MSI2: variants seen among roughly 807,000 people sequenced by gnomAD.
MSI2 encodes RNA-binding protein Musashi homolog 2.
In MSI2, 17 loss-of-function variants were observed where a neutral mutation model predicts 45.6. That is an observed-to-expected ratio of 0.37 (90% CI 0.26 to 0.56). The LOEUF (loss-of-function observed/expected upper bound fraction) is 0.56. Among genes scored for constraint, MSI2 ranks in the 20% least tolerant of loss-of-function variants. The pLI, the probability that MSI2 is intolerant of heterozygous loss-of-function variation, is 0.77. For synonymous variants in MSI2, 156 were observed against 158.2 expected (o/e 0.99, Z 0.11); for missense variants, 293 against 444.2 (o/e 0.66, Z 3.06).
chr17:57,319,718 T>C (rs1006826440), intron 5 of MSI2, among the ~76,000 whole-genome samples: 2 of 152,136 alleles, frequency 1.3e-5, no homozygotes, highest in African/African-American at 4.8e-5. Context: ...GCTTGAGCGA[T>C]CCTCTCACCT....
At chr17:57,261,710 C>T (rs1907324177) in intron 4 of MSI2, among the ~76,000 whole-genome samples, 1 of 152,146 alleles carries the variant, frequency 6.6e-6, no homozygotes, top group Non-Finnish European at 1.5e-5. Context: ...AGAAGAAATA[C>T]CATCCAATTA....
intron 5 of MSI2, among the ~76,000 whole-genome samples, chr17:57,382,922 T>G (rs1303879773): frequency 6.6e-6 from 1 of 152,230 alleles, no homozygotes; most frequent in Non-Finnish European, 1.5e-5. Flanking sequence ...GACTGAGTAC[T>G]CTGCTATGTC....
intron 9 of MSI2, chr17:57,616,622 CTTTA>C (rs1217621703): frequency 6.9e-6 from 1 of 145,276 alleles, no homozygotes; most frequent in Non-Finnish European, 1.5e-5. Flanking sequence ...CTGTTTTACT[CTTTA>C]TTTGCCAAAA....
At chr17:57,360,254 A>G (rs1157377252) in intron 5 of MSI2, among the ~76,000 whole-genome samples, 2 of 152,178 alleles carry the variant, frequency 1.3e-5, no homozygotes, top group Non-Finnish European at 2.9e-5. Context: ...TGTGTGTTTA[A>G]TTTGTTTATT....
At chr17:57,463,511 C>T (rs1031433484) in intron 6 of MSI2, among the ~76,000 whole-genome samples, 2 of 152,226 alleles carry the variant, frequency 1.3e-5, no homozygotes, top group South Asian at 2.1e-4. Flanking sequence ...TAAGGCTTTG[C>T]CCCGCCCTCC....
intron 6 of MSI2, among the ~76,000 whole-genome samples, chr17:57,495,930 A>G (rs149254123): frequency 6.6e-6 from 1 of 152,350 alleles, no homozygotes; most frequent in East Asian, 1.9e-4. Context: ...GCTTGGATTA[A>G]CATGACATAA....
chr17:57,587,754 G>A (rs557833425), intron 7 of MSI2, among the ~76,000 whole-genome samples: 1 of 152,296 alleles, frequency 6.6e-6, no homozygotes, highest in Admixed American at 6.5e-5. Flanking sequence ...GAAGAAATAT[G>A]ACCAGGCAAG....
intron 5 of MSI2, chr17:57,262,528 G>T (rs980426852): frequency 3.0e-5 from 7 of 236,972 alleles, no homozygotes; most frequent in African/African-American, 1.1e-4. Flanking sequence ...ATTTCCTTGT[G>T]ACTCTTTCGG....
intron 11 of MSI2, among the ~76,000 whole-genome samples, chr17:57,667,797 C>T (rs1912481243): frequency 6.6e-6 from 1 of 152,244 alleles, no homozygotes; most frequent in South Asian, 2.1e-4. Context: ...AACTGCTAAC[C>T]ACCATCCTCC....
intron 5 of MSI2, among the ~76,000 whole-genome samples, chr17:57,299,955 G>A (rs1911294455): frequency 6.6e-6 from 1 of 152,212 alleles, no homozygotes; most frequent in Non-Finnish European, 1.5e-5. Flanking sequence ...CTGCCTTGGG[G>A]ACTGGGAAAC....
chr17:57,320,045 G>A (rs1022694833), intron 5 of MSI2, among the ~76,000 whole-genome samples: 6 of 151,850 alleles, frequency 4.0e-5, no homozygotes, highest in Non-Finnish European at 5.9e-5. Flanking sequence ...CCTTTGCATC[G>A]TCTCACTCTC....
intron 5 of MSI2, among the ~76,000 whole-genome samples, chr17:57,333,185 C>T (rs781292598): frequency 5.3e-5 from 8 of 152,194 alleles, no homozygotes; most frequent in Non-Finnish European, 7.3e-5. Context: ...CCCCTCCCTC[C>T]TCATAGCGTT....
At chr17:57,326,685 C>G (rs964310040) in intron 5 of MSI2, among the ~76,000 whole-genome samples, 1 of 152,186 alleles carries the variant, frequency 6.6e-6, no homozygotes, top group Non-Finnish European at 1.5e-5. Flanking sequence ...TTACTTATTT[C>G]CGCTCATTTG....
chr17:57,574,638 C>T (rs1234123199), intron 7 of MSI2, among the ~76,000 whole-genome samples: 3 of 152,132 alleles, frequency 2.0e-5, no homozygotes, highest in Admixed American at 2.0e-4. Context: ...TGGGGCACAG[C>T]CTTTAGGCGC....
intron 6 of MSI2, among the ~76,000 whole-genome samples, chr17:57,500,519 G>A (rs187029565): frequency 1.3e-5 from 2 of 151,756 alleles, no homozygotes; most frequent in Non-Finnish European, 1.5e-5. Context: ...ACAGTTGCCC[G>A]CTTGGTAGAG....
chr17:57,527,072 C>A (rs2086717750), intron 6 of MSI2, among the ~76,000 whole-genome samples: 1 of 152,118 alleles, frequency 6.6e-6, no homozygotes, highest in African/African-American at 2.4e-5. Flanking sequence ...TAAAAAAAAT[C>A]CAAAACATTT....
chr17:57,374,173 A>G (rs769043259), intron 5 of MSI2, among the ~76,000 whole-genome samples: 4 of 152,252 alleles, frequency 2.6e-5, no homozygotes, highest in Non-Finnish European at 5.9e-5. Flanking sequence ...AGCTATATGC[A>G]GAAACATAGC....
At position 57,675,134 on chromosome 17, in the gene MSI2, C is replaced by T; in HGVS notation, c.945+8C>T. The T allele has an allele frequency of 6.2e-7, 1 of 1,607,314 alleles. No individual in the cohort carries two copies. The highest frequency in any genetic ancestry group is 8.5e-7 in the Non-Finnish European group (1 of 1,176,590). ...TTCGGCCACGGCATAGCTGTAAGTA[C>T]CTGCCTTCCCCTGCCCTCCTGCCTC... On this transcript the variant is annotated splice_region_variant and intron_variant, in intron 12 of 13. Transcript: ENST00000284073.
chr17:57,316,744 C>T (rs1452663615), intron 5 of MSI2, among the ~76,000 whole-genome samples: 1 of 152,172 alleles, frequency 6.6e-6, no homozygotes, highest in Non-Finnish European at 1.5e-5. Flanking sequence ...AATCTAATCG[C>T]ATGGATATAT....
Sources: gnomAD v4.1 joint callset for allele counts (sites outside exome capture counted in the v4.1 genomes callset) on GRCh38, gnomAD v4.1.1 for gene constraint, MANE v1.5 for transcripts, NCBI Gene and HGNC (gene_info 2026-07-23, HGNC 2026-07-21) for gene names.